The following LAMA2 variants were observed in gnomAD, a reference collection of about 807,000 sequenced individuals.
LAMA2 encodes the protein laminin subunit alpha 2.
A neutral mutation model predicts 364.8 loss-of-function variants in LAMA2; 269 were observed. The ratio of observed to expected loss-of-function variants is 0.74; its 90% CI spans 0.67 to 0.82. The LOEUF (loss-of-function observed/expected upper bound fraction) is 0.82, where lower values mean the gene tolerates loss of function less well. Ranked by LOEUF, LAMA2 falls within the 40% of genes least tolerant of loss-of-function variation. The pLI is 0.00. For synonymous variants in LAMA2, 1,379 were observed against 1,370.6 expected (o/e 1.01, Z -0.14); for missense variants, 3,807 against 3,873.2 (o/e 0.98, Z 0.45).
rs2114930938 is a variant in LAMA2 at position 129,512,448 on chromosome 6, T to C, written c.8943T>C (p.Ser2981=). 6.2e-7 allele frequency: 1 copy of C among 1,613,644 alleles called. No homozygotes were observed. Among genetic ancestry groups the C allele is most frequent in the Non-Finnish European group, 8.5e-7 (1 of 1,179,650 alleles). The part of the protein sequence containing the change: ...TTTTGVLLGI[S]SQKMDGMGIE... ...CGACTGGAGTTCTTCTGGGGATCAG[T>C]AGTCAAAAAATGGATGGAATGGGTA... is the stretch of plus-strand genomic sequence containing the variant. Residue 2981 remains serine, a synonymous_variant, in exon 63 of 65, where the codon AGT becomes AGC. Transcript: ENST00000421865.
At chr6:129,411,197 A>C (rs1434908936) in intron 40 of LAMA2, among the ~76,000 whole-genome samples, 1 of 152,218 alleles carries the variant, frequency 6.6e-6, no homozygotes, top group Non-Finnish European at 1.5e-5. Flanking sequence ...ACTCCAGTGC[A>C]CAATGTGGTC....
At chr6:129,185,807 A>G (rs1781196132) in intron 10 of LAMA2, among the ~76,000 whole-genome samples, 2 of 151,926 alleles carry the variant, frequency 1.3e-5, no homozygotes, top group Non-Finnish European at 1.5e-5. Context: ...TACAATGGAA[A>G]AATGACTATT....
chr6:128,962,181 T>C (rs1421279922), intron 1 of LAMA2, among the ~76,000 whole-genome samples: 2,618 of 118,532 alleles, frequency 0.022, 332 homozygotes, highest in African/African-American at 0.093. Flanking sequence ...TATATATATA[T>C]ATATACACAC....
intron 59 of LAMA2, 57 bp from the exon 60 acceptor site, chr6:129,503,034 T>G: frequency 6.7e-7 from 1 of 1,491,056 alleles, no homozygotes; most frequent in Non-Finnish European, 9.4e-7. Flanking sequence ...ACCGCTCTAT[T>G]TTAGCATGAG....
chr6:129,014,330 G>C (rs547077591), intron 1 of LAMA2, among the ~76,000 whole-genome samples: 1 of 152,114 alleles, frequency 6.6e-6, no homozygotes, highest in South Asian at 2.1e-4. Flanking sequence ...ACCTAGAACT[G>C]CATTTGTCCC....
chr6:128,904,411 G>T (rs1203707700), intron 1 of LAMA2, among the ~76,000 whole-genome samples: 2 of 150,958 alleles, frequency 1.3e-5, no homozygotes, highest in African/African-American at 2.4e-5. Flanking sequence ...GAAATATGTG[G>T]AGGTTGGATT....
Position 129,189,752 on chromosome 6 carries a change from T to G in LAMA2, c.1468-453T>G, listed in dbSNP as rs113726773. Among the ~76,000 whole-genome samples, 186 of 152,324 alleles carry G rather than the reference T, an allele frequency of 1.2e-3. 1 individual carries two copies. The highest frequency in any genetic ancestry group is 4.1e-3 in the African/African-American group (170 of 41,580). On this transcript the variant is annotated intron_variant, in intron 10 of 64. Transcript: ENST00000421865. ...AAAAGTATTTATAACTGGTGTAATA[T>G]CAATGTTCTATTATACATCCATGCA... is the stretch of plus-strand genomic sequence containing the variant.
At chr6:129,231,837 A>G (rs112107376) in intron 12 of LAMA2, among the ~76,000 whole-genome samples, 276 of 152,232 alleles carry the variant, frequency 1.8e-3, no homozygotes, top group Middle Eastern at 3.4e-3. Context: ...TCTTAGACAT[A>G]AAACAATTTA....
In LAMA2 at chr6:128,883,187, G is replaced by C. The variant is rs967702399; in HGVS notation, c.-59G>C. ...CTCAGCTCACAAGCCAAGGCCAGGG[G>C]ACAGGGCGGCAGCGACTCCTCTGGC... On this transcript the variant is annotated 5_prime_UTR_variant, in exon 1 of 65. Transcript: ENST00000421865. 6 of 1,486,106 alleles carry C rather than the reference G, an allele frequency of 4.0e-6. No individual in the cohort carries two copies. The African/African-American group carries it at 5.6e-5, about 14-fold the overall frequency. The allele number at this position is 1,486,106 out of a possible 1,614,324, so 92.1% of individuals were successfully genotyped here. A position where few individuals can be genotyped will look rare whatever the true frequency, so the allele number is the denominator to read the frequency against.
At chr6:128,923,672 A>G (rs980744271) in intron 1 of LAMA2, among the ~76,000 whole-genome samples, 2 of 152,194 alleles carry the variant, frequency 1.3e-5, no homozygotes, top group African/African-American at 2.4e-5. Context: ...GCTAATTCCT[A>G]TAAGAACACA....
intron 45 of LAMA2, among the ~76,000 whole-genome samples, chr6:129,446,766 C>T (rs971808444): frequency 6.6e-6 from 1 of 151,910 alleles, no homozygotes; most frequent in African/African-American, 2.4e-5. Context: ...TTTAAGAATA[C>T]GATGCTCCAG....
intron 12 of LAMA2, among the ~76,000 whole-genome samples, chr6:129,199,296 A>G (rs1487819548): frequency 1.3e-5 from 2 of 152,236 alleles, no homozygotes; most frequent in Non-Finnish European, 1.5e-5. Flanking sequence ...GGGTAAAATT[A>G]AACATTCTTC....
intron 9 of LAMA2, among the ~76,000 whole-genome samples, chr6:129,173,362 A>G (rs959552466): frequency 2.0e-5 from 3 of 152,068 alleles, no homozygotes; most frequent in African/African-American, 7.2e-5. Context: ...CATTTTTATT[A>G]TGTGTTTCTT....
At chr6:129,033,622 A>G (rs1786394266) in intron 1 of LAMA2, among the ~76,000 whole-genome samples, 1 of 152,000 alleles carries the variant, frequency 6.6e-6, no homozygotes, top group Non-Finnish European at 1.5e-5. Flanking sequence ...TCTAAATTTC[A>G]TTTTCCGTGA....
At chr6:129,332,455 G>A (rs1278775318) in intron 29 of LAMA2, among the ~76,000 whole-genome samples, 1 of 151,872 alleles carries the variant, frequency 6.6e-6, no homozygotes, top group Non-Finnish European at 1.5e-5. Context: ...TAATTAACTA[G>A]ATGCTCTTAC....
chr6:128,916,747 C>T (rs1158277221), intron 1 of LAMA2, among the ~76,000 whole-genome samples: 1 of 152,136 alleles, frequency 6.6e-6, no homozygotes. Context: ...TGAGGTTAGC[C>T]CATGAACTTA....
At chr6:129,294,482 G>T (rs996062065) in intron 20 of LAMA2, among the ~76,000 whole-genome samples, 4 of 152,080 alleles carry the variant, frequency 2.6e-5, no homozygotes, top group Non-Finnish European at 4.4e-5. Context: ...AACCTCACTT[G>T]GGGGAGGAAA....
At chr6:128,909,915 T>A (rs1326838265) in intron 1 of LAMA2, among the ~76,000 whole-genome samples, 1 of 151,822 alleles carries the variant, frequency 6.6e-6, no homozygotes, top group East Asian at 1.9e-4. Context: ...TGGCTGGATA[T>A]GAAATTCTGG....
intron 1 of LAMA2, among the ~76,000 whole-genome samples, chr6:129,005,906 G>C (rs1784419997): frequency 6.6e-6 from 1 of 151,222 alleles, no homozygotes; most frequent in Non-Finnish European, 1.5e-5. Flanking sequence ...ATAAACTTCA[G>C]CATTTTTTGT....
Sources: allele counts gnomAD v4.1 joint callset (sites outside exome capture counted in the v4.1 genomes callset), GRCh38; gene constraint gnomAD v4.1.1; transcripts MANE v1.5; gene names NCBI Gene and HGNC (gene_info 2026-07-23, HGNC 2026-07-21).